STARD13: variants seen among roughly 807,000 people sequenced by gnomAD.
STARD13 encodes the protein stAR-related lipid transfer protein 13.
Under a neutral mutation model 106.4 loss-of-function variants are expected in STARD13, and 62 were observed. The ratio of observed to expected loss-of-function variants is 0.58; its 90% CI spans 0.48 to 0.72. STARD13 has a LOEUF of 0.72. STARD13 is among the 30% of genes least tolerant of loss of function. STARD13 has a pLI of 0.00. For missense variants in STARD13, 1,387 were observed against 1,424.0 expected (o/e 0.97, Z 0.42); for synonymous variants, 565 against 553.0 (o/e 1.02, Z -0.31).
chr13:33,316,926 C>T (rs542093103), intron 1 of STARD13, among the ~76,000 whole-genome samples: 10 of 152,136 alleles, frequency 6.6e-5, no homozygotes, highest in Non-Finnish European at 2.9e-5. Flanking sequence ...CTTTCTCGAC[C>T]TCTCAGAAGT....
intron 1 of STARD13, among the ~76,000 whole-genome samples, chr13:33,338,872 G>C (rs868197499): frequency 3.4e-5 from 4 of 117,062 alleles, no homozygotes; most frequent in African/African-American, 1.3e-4. Context: ...GCGACAGAAC[G>C]AGACTCCGTC....
At chr13:33,616,196 G>A in the STARD13 span, among the ~76,000 whole-genome samples, 2 of 150,588 alleles carry the variant, frequency 1.3e-5, no homozygotes, top group Non-Finnish European at 3.0e-5. Context: ...GAGGGGAGAA[G>A]GGAGGGAAAA....
intron 1 of STARD13, among the ~76,000 whole-genome samples, chr13:33,325,987 A>C (rs569482751): frequency 7.0e-5 from 10 of 142,692 alleles, no homozygotes; most frequent in African/African-American, 2.9e-4. Context: ...TCCGTTTAAA[A>C]AAAAAAAAAA....
chr13:33,208,059 C>G (rs1340601848), intron 1 of STARD13, among the ~76,000 whole-genome samples: 3 of 151,914 alleles, frequency 2.0e-5, no homozygotes, highest in African/African-American at 7.3e-5. Context: ...AATTTGTCAA[C>G]TGCGAAGATC....
the STARD13 span, among the ~76,000 whole-genome samples, chr13:33,483,497 C>T: frequency 1.3e-5 from 2 of 152,148 alleles, no homozygotes; most frequent in African/African-American, 4.8e-5. Context: ...GAAATTGACC[C>T]TCCCAGTCTT....
At chr13:33,309,669 G>T (rs1286514847) in intron 1 of STARD13, among the ~76,000 whole-genome samples, 1 of 152,196 alleles carries the variant, frequency 6.6e-6, no homozygotes, top group African/African-American at 2.4e-5. Flanking sequence ...CTGTGTTCAG[G>T]ATTTCCTAGT....
chr13:33,545,226 C>T, the STARD13 span, among the ~76,000 whole-genome samples: 1 of 152,132 alleles, frequency 6.6e-6, no homozygotes, highest in Non-Finnish European at 1.5e-5. Context: ...TCTCAAAGTG[C>T]TGGGATTACA....
At chr13:33,250,606 A>G (rs1890052635) in intron 1 of STARD13, among the ~76,000 whole-genome samples, 3 of 152,204 alleles carry the variant, frequency 2.0e-5, no homozygotes, top group Non-Finnish European at 2.9e-5. Context: ...TTGGAACCCT[A>G]TGAAGTCATG....
the STARD13 span, among the ~76,000 whole-genome samples, chr13:33,675,520 A>G: frequency 1.3e-5 from 2 of 152,148 alleles, no homozygotes; most frequent in African/African-American, 4.8e-5. Context: ...TGCCCTGGGG[A>G]CTTACATGGA....
chr13:33,235,743 T>C (rs1889155222), intron 1 of STARD13, among the ~76,000 whole-genome samples: 1 of 152,234 alleles, frequency 6.6e-6, no homozygotes, highest in Non-Finnish European at 1.5e-5. Flanking sequence ...ATGCAAATTC[T>C]TGGGTCCCCT....
chr13:33,163,658 C>CATATATATATAACATATATAAAACATAT (rs1882955594), intron 3 of STARD13, among the ~76,000 whole-genome samples: 1 of 71,624 alleles, frequency 1.4e-5, no homozygotes, highest in Non-Finnish European at 3.1e-5. Context: ...ATATATAAAA[C>CATATATATATAACATATATAAAACATAT]ATATATATAT....
At chr13:33,498,802 T>C in the STARD13 span, among the ~76,000 whole-genome samples, 1 of 152,236 alleles carries the variant, frequency 6.6e-6, no homozygotes, top group Non-Finnish European at 1.5e-5. Flanking sequence ...TATTTGCATA[T>C]GCAATGCTTC....
chr13:33,290,324 A>C (rs1026265357), upstream of STARD13, among the ~76,000 whole-genome samples: 2 of 152,338 alleles, frequency 1.3e-5, no homozygotes, highest in Admixed American at 6.5e-5. Flanking sequence ...TCGAAATTAC[A>C]TGAACCCAAA....
At chr13:33,652,169 T>A in the STARD13 span, among the ~76,000 whole-genome samples, 1 of 152,214 alleles carries the variant, frequency 6.6e-6, no homozygotes, top group Non-Finnish European at 1.5e-5. Flanking sequence ...TCAATAAATC[T>A]TTCTTGAACT....
chr13:33,488,679 T>C, the STARD13 span, among the ~76,000 whole-genome samples: 3 of 152,250 alleles, frequency 2.0e-5, no homozygotes, highest in African/African-American at 4.8e-5. Context: ...TTTCAAGCTT[T>C]TGAATCTTGG....
the STARD13 span, among the ~76,000 whole-genome samples, chr13:33,359,014 C>T: frequency 7.2e-5 from 11 of 152,146 alleles, no homozygotes; most frequent in African/African-American, 1.4e-4. Context: ...CACCAATCAG[C>T]GCCCTGACAA....
the STARD13 span, chr13:33,520,121 A>C: frequency 6.6e-6 from 1 of 152,188 alleles, no homozygotes; most frequent in Non-Finnish European, 1.5e-5. Flanking sequence ...TATCCATTCA[A>C]GACAGAGGAA....
At position 33,203,205 on chromosome 13, in the gene STARD13, C is replaced by A. The variant is rs1887174281; in HGVS notation, c.170-35583G>T. 2.0e-5 allele frequency among the ~76,000 whole-genome samples: 3 copies of A among 152,006 alleles called. No individual in the cohort carries two copies. In the South Asian group the frequency reaches 6.2e-4, roughly 32 times the overall value. On this transcript the variant is annotated intron_variant, in intron 1 of 13. Transcript: ENST00000336934. ...AGGGGCCACCACACACCTGTGTTCA[C>A]AGAACAGGGTGCGTGGTGATTCTCT...
the STARD13 span, among the ~76,000 whole-genome samples, chr13:33,618,033 G>T: frequency 2.4e-4 from 36 of 152,192 alleles, 1 homozygote; most frequent in Admixed American, 2.4e-3. Context: ...CAACAGCAAA[G>T]TTTCTAAGGC....
Sources: allele counts gnomAD v4.1 joint callset (sites outside exome capture counted in the v4.1 genomes callset), GRCh38; gene constraint gnomAD v4.1.1; transcripts MANE v1.5; gene names NCBI Gene and HGNC (gene_info 2026-07-23, HGNC 2026-07-21).